The following CRISPLD2 variants were observed in gnomAD, a reference collection of about 807,000 sequenced individuals.
The protein encoded by CRISPLD2 is cysteine-rich secretory protein LCCL domain-containing 2.
CRISPLD2 carries 47 observed loss-of-function variants against 71.1 expected under a neutral mutation model. The observed-to-expected ratio is 0.66, with a 90% confidence interval of 0.52 to 0.84. The LOEUF (loss-of-function observed/expected upper bound fraction) is 0.84, where lower values mean the gene tolerates loss of function less well. Among genes scored for constraint, CRISPLD2 ranks in the 40% least tolerant of loss-of-function variants. The pLI is 0.00. For synonymous variants in CRISPLD2, 317 were observed against 250.1 expected, an observed-to-expected ratio of 1.27 and a Z score of -2.52; for missense variants, 830 against 651.1, an observed-to-expected ratio of 1.27 and a Z score of -2.99.
chr16:84,820,353 G>C (rs1567674885), intron 1 of CRISPLD2, among the ~76,000 whole-genome samples: 1 of 152,154 alleles, frequency 6.6e-6, no homozygotes, highest in East Asian at 1.9e-4. Flanking sequence ...CTCGCAGCCA[G>C]GACTCCAAGG....
chr16:84,894,641 T>C (rs1051130681), intron 14 of CRISPLD2, among the ~76,000 whole-genome samples: 1 of 152,094 alleles, frequency 6.6e-6, no homozygotes, highest in South Asian at 2.1e-4. Context: ...GAAGAAGTAA[T>C]GGAAGGGAAA....
intron 14 of CRISPLD2, among the ~76,000 whole-genome samples, chr16:84,895,611 AATG>A (rs1216800547): frequency 1.3e-5 from 2 of 152,154 alleles, no homozygotes; most frequent in East Asian, 3.8e-4. Context: ...CCCTAAGAAT[AATG>A]ATATATTTCA....
chr16:84,887,670 A>G (rs1464864275), intron 13 of CRISPLD2, among the ~76,000 whole-genome samples: 2 of 152,172 alleles, frequency 1.3e-5, no homozygotes, highest in Non-Finnish European at 2.9e-5. Flanking sequence ...TGAGGTCAGG[A>G]GTTCGACACC....
At chr16:84,832,161 T>C (rs1254442241) in intron 1 of CRISPLD2, among the ~76,000 whole-genome samples, 2 of 152,254 alleles carry the variant, frequency 1.3e-5, no homozygotes, top group African/African-American at 4.8e-5. Flanking sequence ...AAACGATGCA[T>C]TTTTGGAGGC....
chr16:84,840,617 C>T (rs1267004625), intron 2 of CRISPLD2, among the ~76,000 whole-genome samples: 6 of 152,180 alleles, frequency 3.9e-5, no homozygotes, highest in African/African-American at 1.4e-4. Flanking sequence ...AGCAATTCTC[C>T]TGACTCTGCC....
At chr16:84,869,859 A>T (rs911074328) in intron 8 of CRISPLD2, among the ~76,000 whole-genome samples, 8 of 152,228 alleles carry the variant, frequency 5.3e-5, no homozygotes, top group African/African-American at 1.9e-4. Flanking sequence ...CCTGAGTAGT[A>T]CTCAGTGGAA....
At chr16:84,842,911 G>C (rs1010574101) in intron 2 of CRISPLD2, among the ~76,000 whole-genome samples, 3 of 152,148 alleles carry the variant, frequency 2.0e-5, no homozygotes, top group African/African-American at 7.2e-5. Flanking sequence ...GCGACCCCCA[G>C]GATCCCAGAT....
intron 14 of CRISPLD2, among the ~76,000 whole-genome samples, chr16:84,896,715 G>A (rs952714900): frequency 3.9e-5 from 6 of 152,232 alleles, no homozygotes; most frequent in African/African-American, 1.4e-4. Context: ...TTATCAGGAC[G>A]CGACCCACCG....
intron 1 of CRISPLD2, among the ~76,000 whole-genome samples, chr16:84,831,289 A>G (rs1370778570): frequency 6.6e-6 from 1 of 152,178 alleles, no homozygotes; most frequent in African/African-American, 2.4e-5. Context: ...GACCTGGCAC[A>G]TGACATCTTG....
chr16:84,878,318 C>A (rs2071539036), intron 12 of CRISPLD2, among the ~76,000 whole-genome samples: 1 of 152,188 alleles, frequency 6.6e-6, no homozygotes, highest in African/African-American at 2.4e-5. Context: ...CACCGAATGT[C>A]ATTACTGCTC....
intron 2 of CRISPLD2, among the ~76,000 whole-genome samples, chr16:84,844,211 G>C (rs1427109650): frequency 6.6e-6 from 1 of 152,248 alleles, no homozygotes; most frequent in Non-Finnish European, 1.5e-5. Flanking sequence ...AGTCATGTGT[G>C]TTCCTGGGGC....
At chr16:84,869,771 G>C (rs1359190090) in intron 8 of CRISPLD2, among the ~76,000 whole-genome samples, 2 of 152,284 alleles carry the variant, frequency 1.3e-5, no homozygotes, top group Non-Finnish European at 2.9e-5. Context: ...TGCCCCGTCT[G>C]GGCTGCTGAG....
rs796654387 is a variant in CRISPLD2 at position 84,885,259 on chromosome 16, G to C, written c.1306-3971G>C. Among the ~76,000 whole-genome samples the C allele has an allele frequency of 3.7e-4, 56 of 152,254 alleles. 1 individual carries two copies. The highest frequency in any genetic ancestry group is 1.2e-3 in the African/African-American group (51 of 41,556). ...TTAATTGTGTTCGCTTACCAAACTC[G>C]CCCCCGCTCACGGCGATTTTAGAGG... is the stretch of plus-strand genomic sequence containing the variant. On this transcript the variant is annotated intron_variant, in intron 13 of 14. Coordinates refer to ENST00000262424, the MANE Select transcript of CRISPLD2 (RefSeq NM_031476.4).
Position 84,845,903 on chromosome 16 carries a change from A to T in CRISPLD2, c.358A>T (p.Arg120Trp), listed in dbSNP as rs1040803482. ...GCAGAACCTGGGCGCTCACTGGGGCAGGTAAGAGCCACAAGTTCCTCTCCG... is the reference window on the plus strand; with the variant it reads ...GCAGAACCTGGGCGCTCACTGGGGCTGGTAAGAGCCACAAGTTCCTCTCCG... ...IGQNLGAHWG[R>W]YRSPGFHVQS... Residue 120 changes from arginine (R) to tryptophan (W), a missense_variant and splice_region_variant, in exon 3 of 15, where the codon AGG becomes TGG. Coordinates refer to ENST00000262424, the MANE Select transcript of CRISPLD2 (RefSeq NM_031476.4). 6.2e-7 allele frequency: 1 copy of T among 1,603,524 alleles called. No individual in the cohort carries two copies. The highest frequency in any genetic ancestry group is 8.5e-7 in the Non-Finnish European group (1 of 1,171,074).
intron 14 of CRISPLD2, among the ~76,000 whole-genome samples, chr16:84,890,300 A>C (rs984130873): frequency 6.6e-6 from 1 of 151,956 alleles, no homozygotes; most frequent in Non-Finnish European, 1.5e-5. Flanking sequence ...CGGAGCTTGC[A>C]GTGAGCTGAG....
At chr16:84,893,446 C>T in intron 14 of CRISPLD2, among the ~76,000 whole-genome samples, 1 of 152,170 alleles carries the variant, frequency 6.6e-6, no homozygotes, top group Non-Finnish European at 1.5e-5. Flanking sequence ...TTCTTTCATC[C>T]TTGCTTCCAT....
chr16:84,885,109 T>C (rs2071600798), intron 13 of CRISPLD2, among the ~76,000 whole-genome samples: 2 of 152,210 alleles, frequency 1.3e-5, no homozygotes, highest in African/African-American at 2.4e-5. Flanking sequence ...TCCTGAACGC[T>C]GACAGTGGGA....
intron 14 of CRISPLD2, among the ~76,000 whole-genome samples, chr16:84,898,293 G>A (rs1339649853): frequency 6.6e-6 from 1 of 152,186 alleles, no homozygotes; most frequent in East Asian, 1.9e-4. Flanking sequence ...TCCCCCGCCA[G>A]TGGCTTTCCA....
At chr16:84,827,076 C>G (rs1916370081) in intron 1 of CRISPLD2, among the ~76,000 whole-genome samples, 2 of 152,054 alleles carry the variant, frequency 1.3e-5, no homozygotes, top group Non-Finnish European at 2.9e-5. Context: ...GCGCCGTAGC[C>G]CCGGTCACAG....
Sources: gnomAD v4.1 joint callset for allele counts (sites outside exome capture counted in the v4.1 genomes callset) on GRCh38, gnomAD v4.1.1 for gene constraint, MANE v1.5 for transcripts, NCBI Gene and HGNC (gene_info 2026-07-23, HGNC 2026-07-21) for gene names.